Variants in ZBED6 observed in about 807,000 individuals in gnomAD.
ZBED6 encodes the protein zinc finger BED domain-containing protein 6.
ZBED6 carries 40 observed loss-of-function variants against 58.4 expected under a neutral mutation model. That is an observed-to-expected ratio of 0.68 (90% CI 0.53 to 0.89). The LOEUF is 0.89. ZBED6 is among the 40% of genes least tolerant of loss of function. ZBED6 has a pLI of 0.00. For missense variants in ZBED6, 1,057 were observed against 1,003.9 expected (o/e 1.05, Z -0.71); for synonymous variants, 439 against 350.6 (o/e 1.25, Z -2.82).
intron 3 of ZBED6, among the ~76,000 whole-genome samples, chr1:203,824,611 C>T (rs951877673): frequency 5.3e-5 from 8 of 151,878 alleles, no homozygotes; most frequent in South Asian, 2.1e-4. Context: ...CCAGGTGAGG[C>T]GGAACAGAGC....
intron 10 of ZBED6, among the ~76,000 whole-genome samples, chr1:203,839,929 G>C (rs1685556254): frequency 6.6e-6 from 1 of 151,788 alleles, no homozygotes; most frequent in Non-Finnish European, 1.5e-5. Flanking sequence ...TCAGCCTCCA[G>C]AGTATCTGAG....
intron 11 of ZBED6, among the ~76,000 whole-genome samples, chr1:203,844,832 C>T (rs1687449811): frequency 6.6e-6 from 1 of 152,018 alleles, no homozygotes; most frequent in Non-Finnish European, 1.5e-5. Context: ...TTTATCCCTC[C>T]TCCCTCCCCT....
At chr1:203,844,828 C>T (rs34962738) in intron 11 of ZBED6, among the ~76,000 whole-genome samples, 14,786 of 151,812 alleles carry the variant, frequency 0.097, 1,064 homozygotes, top group Non-Finnish European at 0.15. Flanking sequence ...TACTTTTATC[C>T]CTCCTCCCTC....
rs1205018700 is a variant in ZBED6 at position 203,840,364 on chromosome 1, G to A, written c.*3731G>A. ...GCATGTCAGCTGATCCAGATAATGAGGATGCAACAGGTAAGTAAATCCTAA... is the reference window on the plus strand; with the variant it reads ...GCATGTCAGCTGATCCAGATAATGAAGATGCAACAGGTAAGTAAATCCTAA... On this transcript the variant is annotated 3_prime_UTR_variant, in exon 11 of 17. Coordinates refer to ENST00000550078, the Ensembl canonical transcript of ZBED6. 5.6e-6 allele frequency: 9 copies of A among 1,612,138 alleles called. No homozygotes were observed. In the Admixed American group the frequency reaches 1.3e-4, roughly 24 times the overall value.
chr1:203,843,888 G>A (rs779103775), intron 11 of ZBED6, among the ~76,000 whole-genome samples: 7 of 150,360 alleles, frequency 4.7e-5, no homozygotes, highest in African/African-American at 9.8e-5. Flanking sequence ...ATGGAGTTTC[G>A]CTCTTGTTGC....
At position 203,829,913 on chromosome 1, in the gene ZBED6, T is replaced by C; in HGVS notation, c.*3318+17T>C. 1 of 1,593,394 alleles carries C rather than the reference T, an allele frequency of 6.3e-7. No individual in the cohort carries two copies. The highest frequency in any genetic ancestry group is 1.1e-5 in the South Asian group (1 of 90,652). The stretch of plus-strand genomic sequence containing the variant: ...TAAAGCAAGGTAAGAAGAGGCTAGA[T>C]TGGTGCCTCTTATAGCACTGTTGAA... On this transcript the variant is annotated intron_variant, in intron 6 of 16. Transcript: ENST00000550078.
chr1:203,799,584 G>C (rs951463211), exon 1 of ZBED6: 2 of 702,946 alleles, frequency 2.8e-6, no homozygotes, highest in African/African-American at 3.5e-5. Context: ...AATGACTTAT[G>C]TTTGTGATAT....
chr1:203,813,478 A>T (rs1000485729), intron 1 of ZBED6, among the ~76,000 whole-genome samples: 1 of 152,024 alleles, frequency 6.6e-6, no homozygotes, highest in Non-Finnish European at 1.5e-5. Flanking sequence ...GTCTAAAATT[A>T]TTTTTTTATA....
chr1:203,842,243 C>T (rs1258466423), intron 11 of ZBED6, among the ~76,000 whole-genome samples: 1 of 152,166 alleles, frequency 6.6e-6, no homozygotes, highest in African/African-American at 2.4e-5. Flanking sequence ...GGAGGCAAGG[C>T]AGGCGGCTGG....
intron 3 of ZBED6, among the ~76,000 whole-genome samples, chr1:203,819,117 C>CACACGT: frequency 7.1e-6 from 1 of 141,034 alleles, no homozygotes; most frequent in East Asian, 2.0e-4. Context: ...CACACACACA[C>CACACGT]ACGTGTATAT....
At chr1:203,797,863 T>C in exon 1 of ZBED6, 1 of 1,536,114 alleles carries the variant, frequency 6.5e-7, no homozygotes, top group Non-Finnish European at 8.7e-7. Flanking sequence ...GAAGAAAGTC[T>C]TTTTGAGAGC....
exon 1 of ZBED6, chr1:203,802,199 T>C (rs1318473926): frequency 2.6e-5 from 4 of 152,656 alleles, no homozygotes; most frequent in East Asian, 1.9e-4. Flanking sequence ...CTGATGACGA[T>C]GATGGATATA....
At chr1:203,841,150 T>A (rs1028279236) in intron 11 of ZBED6, among the ~76,000 whole-genome samples, 4 of 136,346 alleles carry the variant, frequency 2.9e-5, no homozygotes, top group African/African-American at 5.5e-5. Context: ...ATCTTTTTTT[T>A]TTTTTTATTT....
intron 1 of ZBED6, among the ~76,000 whole-genome samples, chr1:203,809,427 C>T (rs1023657859): frequency 5.3e-5 from 8 of 151,836 alleles, no homozygotes; most frequent in South Asian, 2.1e-4. Context: ...CGCCCATCTC[C>T]GAAATCCCAG....
At chr1:203,850,095 G>C in intron 14 of ZBED6, 69 bp downstream of exon 14, 1 of 1,441,700 alleles carries the variant, frequency 6.9e-7, no homozygotes, top group Non-Finnish European at 9.5e-7. Context: ...ATTGTTGCCA[G>C]TAACTTCCTG....
intron 8 of ZBED6, 59 bp downstream of exon 8, chr1:203,831,830 C>T: frequency 4.4e-6 from 6 of 1,375,894 alleles, no homozygotes; most frequent in Non-Finnish European, 6.0e-6. Context: ...ATTGGGAATG[C>T]AAAATCCTTG....
intron 11 of ZBED6, among the ~76,000 whole-genome samples, chr1:203,840,992 A>C (rs1357828984): frequency 2.6e-5 from 4 of 152,174 alleles, no homozygotes; most frequent in African/African-American, 9.7e-5. Flanking sequence ...AGATAAAATT[A>C]TGATAGTTAT....
exon 1 of ZBED6, chr1:203,798,704 G>T: frequency 2.6e-6 from 4 of 1,536,094 alleles, no homozygotes; most frequent in Non-Finnish European, 3.5e-6. Context: ...TGATGCGTGC[G>T]CAGGAGAGAG....
intron 1 of ZBED6, chr1:203,805,748 C>T: frequency 1.5e-6 from 1 of 673,420 alleles, no homozygotes; most frequent in Non-Finnish European, 2.8e-6. Flanking sequence ...TCTTGGTCAG[C>T]CACAAGCTCA....
Sources: gnomAD v4.1 joint callset for allele counts (sites outside exome capture counted in the v4.1 genomes callset) on GRCh38, gnomAD v4.1.1 for gene constraint, MANE v1.5 for transcripts, NCBI Gene and HGNC (gene_info 2026-07-23, HGNC 2026-07-21) for gene names.